GABRA1: variants seen among roughly 807,000 people sequenced by gnomAD.
GABRA1 encodes the protein gamma-aminobutyric acid type A receptor subunit alpha1, also known as gamma-aminobutyric acid receptor subunit alpha-1.
In GABRA1, 9 loss-of-function variants were observed where a neutral mutation model predicts 48.9. The ratio of observed to expected loss-of-function variants is 0.18; its 90% CI spans 0.11 to 0.32. GABRA1 has a LOEUF of 0.32. Ranked by LOEUF, GABRA1 falls within the 10% of genes least tolerant of loss-of-function variation. GABRA1 has a pLI of 1.00. For missense variants in GABRA1, 285 were observed against 553.8 expected, an observed-to-expected ratio of 0.51 and a Z score of 4.87; for synonymous variants, 210 against 198.7, an observed-to-expected ratio of 1.06 and a Z score of -0.48.
chr5:161,869,083 A>G (rs1333231371), intron 4 of GABRA1, among the ~76,000 whole-genome samples: 1 of 152,166 alleles, frequency 6.6e-6, no homozygotes, highest in Non-Finnish European at 1.5e-5. Flanking sequence ...AATCATTTAA[A>G]TTACATTATA....
At chr5:161,858,516 A>G (rs1703891544) in intron 3 of GABRA1, among the ~76,000 whole-genome samples, 1 of 151,756 alleles carries the variant, frequency 6.6e-6, no homozygotes, top group Non-Finnish European at 1.5e-5. Flanking sequence ...CAATAAGCCA[A>G]AATCCCAGGT....
At chr5:161,875,013 T>C (rs1754284534) in intron 5 of GABRA1, among the ~76,000 whole-genome samples, 1 of 152,150 alleles carries the variant, frequency 6.6e-6, no homozygotes, top group Non-Finnish European at 1.5e-5. Flanking sequence ...GGTTTGCAAG[T>C]AGTGAGATCA....
At chr5:161,884,313 T>C (rs1754744127) in intron 7 of GABRA1, among the ~76,000 whole-genome samples, 1 of 152,114 alleles carries the variant, frequency 6.6e-6, no homozygotes, top group South Asian at 2.1e-4. Flanking sequence ...TCACTACAGA[T>C]TAAATGATAG....
At chr5:161,873,921 A>C (rs1429266441) in intron 5 of GABRA1, among the ~76,000 whole-genome samples, 4 of 152,168 alleles carry the variant, frequency 2.6e-5, no homozygotes, top group Admixed American at 6.6e-5. Flanking sequence ...AGCATCTATT[A>C]AGTGTTGAAT....
chr5:161,859,042 A>G (rs957042958), intron 3 of GABRA1, among the ~76,000 whole-genome samples: 25 of 151,756 alleles, frequency 1.6e-4, no homozygotes, highest in African/African-American at 5.6e-4. Context: ...CCTGCTACAC[A>G]TTTAACAGAT....
At chr5:161,885,062 C>T (rs1297191625) in intron 7 of GABRA1, among the ~76,000 whole-genome samples, 1 of 152,146 alleles carries the variant, frequency 6.6e-6, no homozygotes, top group African/African-American at 2.4e-5. Flanking sequence ...TCATTCTGTG[C>T]TAGAGCAGCA....
Position 161,896,321 on chromosome 5 carries a change from A to G in GABRA1, c.1059+453A>G, listed in dbSNP as rs112831611. ...GCCTCAATTAAATTAAGTTTGCCAC[A>G]TGAACCATCCCTAGTTCTCTGCAAA... is the stretch of plus-strand genomic sequence containing the variant. On this transcript the variant is annotated intron_variant, in intron 9 of 9. Coordinates refer to ENST00000393943, the MANE Select transcript of GABRA1 (RefSeq NM_001127644.2). Among the ~76,000 whole-genome samples, 368 of 152,310 alleles carry G rather than the reference A, an allele frequency of 2.4e-3. 2 individuals are homozygous for G. Among genetic ancestry groups the G allele is most frequent in the African/African-American group, 8.2e-3 (341 of 41,576 alleles).
At chr5:161,873,077 C>G in intron 4 of GABRA1, 40 bp from the exon 5 acceptor site, 2 of 1,451,856 alleles carry the variant, frequency 1.4e-6, no homozygotes, top group Non-Finnish European at 1.9e-6. Flanking sequence ...TTGCAAAATA[C>G]AGCACAGTGA....
At chr5:161,858,441 A>C (rs1757732704) in intron 3 of GABRA1, among the ~76,000 whole-genome samples, 1 of 151,344 alleles carries the variant, frequency 6.6e-6, no homozygotes, top group Admixed American at 6.6e-5. Flanking sequence ...GATACTTAAT[A>C]CTCTTCCAGT....
chr5:161,878,649 C>G (rs899707541), intron 6 of GABRA1, among the ~76,000 whole-genome samples: 5 of 152,120 alleles, frequency 3.3e-5, no homozygotes, highest in African/African-American at 7.2e-5. Flanking sequence ...AAACTTTCTA[C>G]TGGTTATGGA....
intron 3 of GABRA1, among the ~76,000 whole-genome samples, chr5:161,854,992 G>A (rs143446611): frequency 6.6e-6 from 1 of 151,302 alleles, no homozygotes; most frequent in African/African-American, 2.4e-5. Flanking sequence ...AAAGACTAAT[G>A]AAGCCAAATC....
intron 7 of GABRA1, among the ~76,000 whole-genome samples, chr5:161,883,012 A>G (rs1561580412): frequency 6.6e-6 from 1 of 152,180 alleles, no homozygotes; most frequent in Non-Finnish European, 1.5e-5. Context: ...TTATTCCCCA[A>G]CCTTGTCAGT....
chr5:161,882,484 G>A lies in GABRA1; in HGVS notation c.560-74G>A, dbSNP rs992479236. ...ACCATGATATAGAAAATATGAAGCT[G>A]ATGAAAGGTACCAACTAAATAAGAG... is the stretch of plus-strand genomic sequence containing the variant. On this transcript the variant is annotated intron_variant, in intron 6 of 9. Transcript: ENST00000393943. The A allele has an allele frequency of 1.5e-5, 20 of 1,371,510 alleles. No individual in the cohort carries two copies. The Admixed American group carries it at 3.4e-4, about 23-fold the overall frequency. 85.0% of individuals were successfully genotyped at this position (1,371,510 alleles called of 1,614,324 possible).
chr5:161,860,721 T>A (rs983535273), intron 3 of GABRA1, among the ~76,000 whole-genome samples: 3 of 151,882 alleles, frequency 2.0e-5, no homozygotes, highest in Admixed American at 6.6e-5. Context: ...ATGCATTGCA[T>A]GCTTGTATCA....
At chr5:161,851,192 AG>A (rs1280300946) in intron 2 of GABRA1, among the ~76,000 whole-genome samples, 2 of 152,178 alleles carry the variant, frequency 1.3e-5, no homozygotes, top group African/African-American at 2.4e-5. Context: ...TCATAGAAAA[AG>A]TTACCCCAAT....
At chr5:161,862,446 A>T (rs1757899448) in intron 3 of GABRA1, among the ~76,000 whole-genome samples, 1 of 151,398 alleles carries the variant, frequency 6.6e-6, no homozygotes, top group African/African-American at 2.4e-5. Flanking sequence ...ATCTTACTAA[A>T]TTTTTCCCAT....
In GABRA1 at chr5:161,897,418, A is replaced by C. The variant is rs1195117449; in HGVS notation, c.1367A>C (p.Gln456Pro). Residue 456 changes from glutamine (Q) to proline (P), a missense_variant, in exon 10 of 10, where the codon CAA becomes CCA. Transcript: ENST00000393943. Reference protein sequence around the residue: ...EPQLKAPTPHQ With the variant: ...EPQLKAPTPHP ...CAGCTAAAAGCCCCCACACCACATC[A>C]ATAGATCTTTTACTCACATTCTGTT... 3.7e-6 allele frequency: 6 copies of C among 1,613,078 alleles called. No homozygotes were observed. The highest frequency in any genetic ancestry group is 5.1e-6 in the Non-Finnish European group (6 of 1,179,106).
At chr5:161,875,711 G>T in intron 6 of GABRA1, 69 bp downstream of exon 6, 1 of 1,161,280 alleles carries the variant, frequency 8.6e-7, no homozygotes. Context: ...CTATATCTGT[G>T]AGAAAAACGC....
intron 7 of GABRA1, among the ~76,000 whole-genome samples, chr5:161,890,497 T>C (rs1327879137): frequency 6.6e-6 from 1 of 152,086 alleles, no homozygotes; most frequent in Non-Finnish European, 1.5e-5. Context: ...GTATTGTGGA[T>C]ATGCTCTGTA....
Sources: gnomAD v4.1 joint callset for allele counts (sites outside exome capture counted in the v4.1 genomes callset) on GRCh38, gnomAD v4.1.1 for gene constraint, MANE v1.5 for transcripts, NCBI Gene and HGNC (gene_info 2026-07-23, HGNC 2026-07-21) for gene names.